CD36: variants seen among roughly 807,000 people sequenced by gnomAD.
The protein encoded by CD36 is platelet glycoprotein 4.
In CD36, 119 loss-of-function variants were observed where a neutral mutation model predicts 55.2. That is an observed-to-expected ratio of 2.15 (90% CI 1.86 to 2.51). The LOEUF is 2.51. CD36 is among the 30% of genes most tolerant of loss of function. The pLI is 0.00. For missense variants in CD36, 819 were observed against 555.5 expected (o/e 1.47, Z -4.77); for synonymous variants, 186 against 193.6 (o/e 0.96, Z 0.33).
At chr7:80,671,888 T>C (rs993891752) in intron 10 of CD36, 34 bp from the exon 11 acceptor site, 7 of 1,597,200 alleles carry the variant, frequency 4.4e-6, no homozygotes, top group Non-Finnish European at 6.0e-6. Flanking sequence ...AAGGAAGTTA[T>C]TAATTCCAAT....
intron 3 of CD36, among the ~76,000 whole-genome samples, chr7:80,650,145 A>G (rs1415173288): frequency 2.0e-5 from 3 of 152,056 alleles, no homozygotes; most frequent in Admixed American, 1.3e-4. Context: ...AGGTGGTACA[A>G]CAGAGACTCA....
chr7:80,667,264 C>CA (rs1381927622), intron 8 of CD36, among the ~76,000 whole-genome samples: 15 of 151,372 alleles, frequency 9.9e-5, no homozygotes, highest in South Asian at 4.2e-4. Flanking sequence ...CCCATCTCTA[C>CA]AAAAAAAATA....
chr7:80,619,323 T>C (rs1279513127), intron 1 of CD36, among the ~76,000 whole-genome samples: 3 of 152,196 alleles, frequency 2.0e-5, no homozygotes, highest in African/African-American at 7.2e-5. Context: ...ATAAAATTAA[T>C]GTTGTTTTCA....
intron 12 of CD36, 33 bp downstream of exon 12, chr7:80,672,876 A>G: frequency 1.5e-6 from 2 of 1,348,046 alleles, no homozygotes; most frequent in Non-Finnish European, 1.1e-6. Flanking sequence ...TTTTGATATG[A>G]TCTGTAGTAT....
chr7:80,657,987 A>G (rs1796221953), intron 4 of CD36, among the ~76,000 whole-genome samples: 1 of 152,248 alleles, frequency 6.6e-6, no homozygotes, highest in Admixed American at 6.5e-5. Context: ...CACCCAAAAT[A>G]AAATGAAATA....
rs1797863192 is a variant in CD36, at chr7:80,672,979, T to TTGGTGA, written c.1199+136_1199+137insTGGTGA. 2.4e-5 allele frequency: 17 copies of TTGGTGA among 697,680 alleles called. No homozygotes were observed. In the South Asian group the frequency reaches 2.7e-4, roughly 11 times the overall value. The allele number at this position is 697,680 out of a possible 1,614,324, so 43.2% of individuals were successfully genotyped here. A position where few individuals can be genotyped will look rare whatever the true frequency, so the allele number is the denominator to read the frequency against. On this transcript the variant is annotated intron_variant, in intron 12 of 14. Coordinates refer to ENST00000447544, the MANE Select transcript of CD36 (RefSeq NM_001001548.3). ...CTTATCTTTAGCTTAATGTCACCAA[T>TTGGTGA]CATTATTAAATGCTTATGACTAATT...
In CD36 at chr7:80,674,042, A is replaced by C; in HGVS notation, c.1314A>C (p.Ile438=). ...NMFRSQVTGK[I]NLLGLIEMIL... ...TCAGAAGTCAAGTAACTGGAAAAATAAACCTCCTTGGCCTGATAGAAATGA... is the reference window on the plus strand; with the variant it reads ...TCAGAAGTCAAGTAACTGGAAAAATCAACCTCCTTGGCCTGATAGAAATGA... The change falls in exon 14 of 15, where the codon ATA becomes ATC. Residue 438 remains isoleucine (I), a synonymous_variant. Coordinates refer to ENST00000447544, the MANE Select transcript of CD36 (RefSeq NM_001001548.3). 1 of 1,612,388 alleles carries C rather than the reference A, an allele frequency of 6.2e-7. No homozygotes were observed. Among genetic ancestry groups the C allele is most frequent in the Non-Finnish European group, 8.5e-7 (1 of 1,178,884 alleles).
At chr7:80,647,280 GTGTAA>G (rs1244644036) in intron 3 of CD36, 1 of 214,194 alleles carries the variant, frequency 4.7e-6, no homozygotes, top group African/African-American at 2.3e-5. Context: ...GTGTGTGTGT[GTGTAA>G]TGTGTTTAAT....
upstream of CD36, among the ~76,000 whole-genome samples, chr7:80,636,137 G>T (rs547529239): frequency 1.8e-4 from 27 of 152,198 alleles, no homozygotes; most frequent in Admixed American, 5.9e-4. Context: ...TTCTTCGATG[G>T]TGATAAGTGA....
intron 3 of CD36, chr7:80,647,223 A>G: frequency 3.6e-6 from 1 of 280,818 alleles, no homozygotes; most frequent in Non-Finnish European, 7.0e-6. Flanking sequence ...TTTATAAAAG[A>G]AGTTGCACTT....
In CD36 at chr7:80,671,959, T is replaced by G. The variant is rs1175328132; in HGVS notation, c.1044T>G (p.Tyr348Ter). The G allele has an allele frequency of 3.7e-6, 6 of 1,610,984 alleles. No homozygotes were observed. Among genetic ancestry groups the G allele is most frequent in the Non-Finnish European group, 5.1e-6 (6 of 1,177,844 alleles). ...ACATTTCACTTCCTCATTTTCTGTA[T>G]GCAAGTCCTGATGTTTCAGAACCTA... Reference protein sequence around the residue: ...PVYISLPHFLYASPDVSEPID... With the variant: ...PVYISLPHFL Residue 348 changes from tyrosine to a stop codon, truncating the protein, a stop_gained, in exon 11 of 15, where the codon TAT becomes TAG. Coordinates refer to ENST00000447544, the MANE Select transcript of CD36 (RefSeq NM_001001548.3). LOFTEE classifies it high-confidence loss of function.
At chr7:80,670,219 T>C in intron 9 of CD36, 197 bp downstream of exon 9, 1 of 578,356 alleles carries the variant, frequency 1.7e-6, no homozygotes, top group East Asian at 2.9e-5. Flanking sequence ...GCAAGAACCA[T>C]TTTGCCTTTT....
chr7:80,646,909 T>C (rs1795210499), intron 3 of CD36, 49 bp downstream of exon 3: 5 of 1,604,980 alleles, frequency 3.1e-6, no homozygotes, highest in Non-Finnish European at 4.3e-6. Context: ...TGATTCTAAC[T>C]TCTCTTTTTT....
intron 8 of CD36, among the ~76,000 whole-genome samples, chr7:80,667,751 T>TG (rs1194471810): frequency 3.7e-5 from 4 of 109,356 alleles, no homozygotes; most frequent in Non-Finnish European, 8.5e-5. Context: ...TCTTTTGTTT[T>TG]TTTTTTTTTT....
At chr7:80,644,861 C>T (rs916600702) in intron 1 of CD36, among the ~76,000 whole-genome samples, 6 of 152,216 alleles carry the variant, frequency 3.9e-5, no homozygotes, top group East Asian at 3.9e-4. Context: ...AACTATAAAG[C>T]GCATTCTGAC....
At chr7:80,673,009 A>C in intron 12 of CD36, 166 bp downstream of exon 12, 1 of 628,392 alleles carries the variant, frequency 1.6e-6, no homozygotes, top group Non-Finnish European at 2.9e-6. Context: ...CTAATTTCAC[A>C]GATTTTGGAA....
chr7:80,647,903 G>A (rs1051033531), intron 3 of CD36, among the ~76,000 whole-genome samples: 1 of 152,098 alleles, frequency 6.6e-6, no homozygotes, highest in East Asian at 1.9e-4. Flanking sequence ...CATAGTGCAC[G>A]ATGGAGAACA....
intron 1 of CD36, among the ~76,000 whole-genome samples, chr7:80,622,965 C>T (rs1222847291): frequency 6.6e-6 from 1 of 150,676 alleles, no homozygotes; most frequent in Non-Finnish European, 1.5e-5. Context: ...AGACAACAGG[C>T]TATCTCTGAA....
At chr7:80,663,399 G>C (rs555248918) in intron 6 of CD36, among the ~76,000 whole-genome samples, 1 of 152,030 alleles carries the variant, frequency 6.6e-6, no homozygotes, top group South Asian at 2.1e-4. Context: ...ATTTAATAAG[G>C]TTTCTACTCA....
Sources: gnomAD v4.1 joint callset for allele counts (sites outside exome capture counted in the v4.1 genomes callset) on GRCh38, gnomAD v4.1.1 for gene constraint, MANE v1.5 for transcripts, NCBI Gene and HGNC (gene_info 2026-07-23, HGNC 2026-07-21) for gene names.